Variants in MYDGF observed in about 807,000 individuals in gnomAD.
MYDGF encodes myeloid derived growth factor.
A neutral mutation model predicts 24.2 loss-of-function variants in MYDGF; 29 were observed. The observed-to-expected ratio is 1.20, with a 90% CI of 0.89 to 1.63. The LOEUF (loss-of-function observed/expected upper bound fraction) is 1.63, where lower values mean the gene tolerates loss of function less well. Among genes scored for constraint, MYDGF ranks in the 40% most tolerant of loss-of-function variants. MYDGF has a pLI of 0.00. For synonymous variants in MYDGF, 105 were observed against 102.5 expected, an observed-to-expected ratio of 1.02 and a Z score of -0.15; for missense variants, 245 against 234.8, an observed-to-expected ratio of 1.04 and a Z score of -0.29.
At chr19:4,659,680 C>T (rs752289016) in intron 5 of MYDGF, 78 of 537,996 alleles carry the variant, frequency 1.4e-4, no homozygotes, top group Non-Finnish European at 2.3e-4. Context: ...GTTCTAGTGG[C>T]ACACAGCCAC....
intron 1 of MYDGF, among the ~76,000 whole-genome samples, 196 bp downstream of exon 1, chr19:4,669,965 C>T (rs548067425): frequency 1.3e-5 from 2 of 151,842 alleles, no homozygotes; most frequent in South Asian, 2.1e-4. Flanking sequence ...CCTATGAGTT[C>T]AGTCCTGCCC....
At chr19:4,666,173 C>T (rs534566487) in intron 2 of MYDGF, among the ~76,000 whole-genome samples, 7 of 151,984 alleles carry the variant, frequency 4.6e-5, no homozygotes, top group African/African-American at 1.2e-4. Flanking sequence ...GCCTCTTGCA[C>T]GATGTTACCA....
At position 4,663,545 on chromosome 19, in the gene MYDGF, TATCCTCCCCACCCACCCC is replaced by T. The variant is rs1391056498; in HGVS notation, c.287+1313_287+1330del. ...TCCTCATTCTACACAGCCTCCAATC[TATCCTCCCCACCCACCCC>T]ACCCTCATTCTACACAGCCTCCAAT... is the stretch of plus-strand genomic sequence containing the variant. On this transcript the variant is annotated intron_variant, in intron 3 of 5. Coordinates refer to ENST00000262947, the MANE Select transcript of MYDGF (RefSeq NM_019107.4). Among the ~76,000 whole-genome samples, 76 of 32,082 alleles carry T rather than the reference TATCCTCCCCACCCACCCC, an allele frequency of 2.4e-3. 6 individuals carry two copies. The highest frequency in any genetic ancestry group is 2.8e-3 in the Non-Finnish European group (43 of 15,356). 21.0% of individuals were successfully genotyped at this position (32,082 alleles called of 152,430 possible).
rs374048745 is a variant in MYDGF at position 4,663,619 on chromosome 19, T to TAC, written c.287+1255_287+1256dup. ...CTCCCCACCCACCCCATCCTCATTCTACAGCCTCCAATCTACCCTCCCCAC... is the reference window on the plus strand; with the variant it reads ...CTCCCCACCCACCCCATCCTCATTCTACACAGCCTCCAATCTACCCTCCCCAC... On this transcript the variant is annotated intron_variant, in intron 3 of 5. Transcript: ENST00000262947. Among the ~76,000 whole-genome samples, 126 of 36,578 alleles carry TAC rather than the reference T, an allele frequency of 3.4e-3. 4 individuals carry two copies. Among genetic ancestry groups the TAC allele is most frequent in the African/African-American group, 7.6e-3 (72 of 9,524 alleles). 24.0% of individuals were successfully genotyped at this position (36,578 alleles called of 152,430 possible).
intron 3 of MYDGF, among the ~76,000 whole-genome samples, chr19:4,664,136 G>A (rs776060892): frequency 1.3e-5 from 2 of 152,084 alleles, no homozygotes; most frequent in Admixed American, 6.6e-5. Context: ...CCCATCCACA[G>A]AGACAGGAGG....
At chr19:4,664,738 G>T in intron 3 of MYDGF, 138 bp downstream of exon 3, 1 of 904,432 alleles carries the variant, frequency 1.1e-6, no homozygotes, top group Non-Finnish European at 1.6e-6. Flanking sequence ...CCCCCCACCT[G>T]CACGTGCATG....
chr19:4,664,782 G>T, intron 3 of MYDGF, 94 bp downstream of exon 3: 3 of 1,391,884 alleles, frequency 2.2e-6, no homozygotes, highest in African/African-American at 1.4e-5. Context: ...CCCTCCAGGG[G>T]TGCAGCCCTC....
Position 4,670,015 on chromosome 19 carries a change from C to T in MYDGF, c.174+146G>A. 7.5e-6 allele frequency: 7 copies of T among 930,834 alleles called. No individual in the cohort carries two copies. The South Asian group carries it at 2.2e-4, about 29-fold the overall frequency. 57.7% of individuals were successfully genotyped at this position (930,834 alleles called of 1,614,324 possible). On this transcript the variant is annotated intron_variant, in intron 1 of 5. Coordinates refer to ENST00000262947, the MANE Select transcript of MYDGF (RefSeq NM_019107.4). ...GCCTCACGGTCCCGCGCCCCCCACTCAGCCTCCGACCCTAACAATCCGCAC... is the reference window on the plus strand; with the variant it reads ...GCCTCACGGTCCCGCGCCCCCCACTTAGCCTCCGACCCTAACAATCCGCAC...
chr19:4,660,294 T>C (rs976260207), intron 4 of MYDGF, among the ~76,000 whole-genome samples: 6 of 152,062 alleles, frequency 3.9e-5, no homozygotes, highest in Non-Finnish European at 8.8e-5. Context: ...CCTGGCTATT[T>C]TTTTTTTACT....
rs149433590 is a variant in MYDGF at position 4,658,071 on chromosome 19, G to A, written c.456C>T (p.Pro152=). ...TGGACAGCTCAGCTTTGAATGCCCC[G>A]GGCCTGTGAGCCACTGCAAGAAAGA... is the stretch of plus-strand genomic sequence containing the variant. ...EVTKTAVAHR[P]GAFKAELSKL... is the part of the protein sequence containing the mutation. Residue 152 remains proline (P), a synonymous_variant, in exon 6 of 6, where the codon CCC becomes CCT. Coordinates refer to ENST00000262947, the MANE Select transcript of MYDGF (RefSeq NM_019107.4). The A allele has an allele frequency of 1.3e-4, 217 of 1,610,784 alleles. 1 individual carries two copies. The African/African-American group carries it at 2.0e-3, about 15-fold the overall frequency.
intron 2 of MYDGF, among the ~76,000 whole-genome samples, chr19:4,667,440 T>A (rs2088530517): frequency 1.3e-5 from 2 of 151,876 alleles, no homozygotes; most frequent in African/African-American, 4.8e-5. Context: ...CCCGGCTAAT[T>A]TTTGTAGTTT....
At chr19:4,662,978 C>T (rs934232965) in intron 3 of MYDGF, among the ~76,000 whole-genome samples, 3 of 151,940 alleles carry the variant, frequency 2.0e-5, no homozygotes, top group Non-Finnish European at 4.4e-5. Flanking sequence ...GTGCCCTCCC[C>T]TCCTCCCTGT....
At chr19:4,664,402 A>G (rs1409243897) in intron 3 of MYDGF, among the ~76,000 whole-genome samples, 3 of 151,568 alleles carry the variant, frequency 2.0e-5, no homozygotes, top group Non-Finnish European at 4.4e-5. Context: ...AGGGAGGAGA[A>G]TCGCTTGAAC....
At chr19:4,659,345 T>A (rs1367682744) in intron 5 of MYDGF, among the ~76,000 whole-genome samples, 2 of 152,040 alleles carry the variant, frequency 1.3e-5, no homozygotes, top group Non-Finnish European at 2.9e-5. Flanking sequence ...CCAGCAATTC[T>A]CCTGAATAGC....
intron 4 of MYDGF, 65 bp downstream of exon 4, chr19:4,660,604 C>G: frequency 7.0e-7 from 1 of 1,438,080 alleles, no homozygotes; most frequent in Non-Finnish European, 9.8e-7. Flanking sequence ...TGTGGCAGGA[C>G]ATCTCACAGC....
At chr19:4,665,009 G>T in intron 2 of MYDGF, 72 bp from the exon 3 acceptor site, 2 of 1,514,378 alleles carry the variant, frequency 1.3e-6, no homozygotes, top group Non-Finnish European at 9.0e-7. Context: ...GTGTGCCTCT[G>T]ATTCTACAGT....
intron 3 of MYDGF, 97 bp downstream of exon 3, chr19:4,664,779 G>A (rs561731417): frequency 7.3e-7 from 1 of 1,367,708 alleles, no homozygotes; most frequent in African/African-American, 1.4e-5. Flanking sequence ...TTCCCCTCCA[G>A]GGGTGCAGCC....
At position 4,670,198 on chromosome 19, in the gene MYDGF, C is replaced by T; in HGVS notation, c.137G>A (p.Gly46Asp). ...TTVAFDVRPG[G>D]VVHSFSHNVG... ...GTTATGGGAGAAGGAATGCACGACGCCGCCGGGCCGCACGTCAAACGCCAC... is the reference window on the plus strand; with the variant it reads ...GTTATGGGAGAAGGAATGCACGACGTCGCCGGGCCGCACGTCAAACGCCAC... The change falls in exon 1 of 6, where the codon GGC (glycine) becomes GAC (aspartate). Residue 46 changes from glycine (G) to aspartate (D), a missense_variant. Coordinates refer to ENST00000262947, the MANE Select transcript of MYDGF (RefSeq NM_019107.4). 6.4e-7 allele frequency: 1 copy of T among 1,559,498 alleles called. No individual in the cohort carries two copies. The highest frequency in any genetic ancestry group is 8.6e-7 in the Non-Finnish European group (1 of 1,156,214).
intron 3 of MYDGF, 125 bp from the exon 4 acceptor site, chr19:4,660,875 T>C (rs781107731): frequency 9.6e-6 from 6 of 622,010 alleles, no homozygotes; most frequent in Non-Finnish European, 1.6e-5. Context: ...CTTCTCAACA[T>C]GGACGCCATT....
Sources: gnomAD v4.1 joint callset for allele counts (sites outside exome capture counted in the v4.1 genomes callset) on GRCh38, gnomAD v4.1.1 for gene constraint, MANE v1.5 for transcripts, NCBI Gene and HGNC (gene_info 2026-07-23, HGNC 2026-07-21) for gene names.